The following INSL6 variants were observed in gnomAD, a reference collection of about 807,000 sequenced individuals.
INSL6 encodes the protein insulin-like peptide INSL6.
INSL6 carries 16 observed loss-of-function variants against 9.4 expected under a neutral mutation model. That is an observed-to-expected ratio of 1.70 (90% confidence interval 1.15 to 2.59). INSL6 has a LOEUF of 2.59. Ranked by LOEUF, INSL6 falls within the 30% of genes most tolerant of loss-of-function variation. The probability of loss-of-function intolerance (pLI) is 0.00; values close to 1 mark genes in which losing one functional copy is unlikely to be tolerated. For missense variants in INSL6, 391 were observed against 257.3 expected (o/e 1.52, Z -3.56); for synonymous variants, 154 against 96.9 (o/e 1.59, Z -3.46).
chr9:5,182,097 AG>A (rs1214786221), intron 1 of INSL6, among the ~76,000 whole-genome samples: 2 of 152,144 alleles, frequency 1.3e-5, no homozygotes, highest in Non-Finnish European at 2.9e-5. Flanking sequence ...TAGGTTCATA[AG>A]GGGACACATA....
the INSL6 span, among the ~76,000 whole-genome samples, chr9:5,009,652 T>C: frequency 1.3e-5 from 2 of 152,178 alleles, no homozygotes; most frequent in Admixed American, 6.6e-5. Flanking sequence ...CCCTGCCCCA[T>C]CCCCATCCTA....
chr9:5,162,894 G>A (rs1285182130), downstream of INSL6, among the ~76,000 whole-genome samples: 1 of 152,136 alleles, frequency 6.6e-6, no homozygotes, highest in East Asian at 1.9e-4. Flanking sequence ...TGGGTACGAA[G>A]TAGGAATTCC....
At chr9:5,061,104 G>C in the INSL6 span, among the ~76,000 whole-genome samples, 1 of 152,204 alleles carries the variant, frequency 6.6e-6, no homozygotes, top group Non-Finnish European at 1.5e-5. Flanking sequence ...ATAAACAATA[G>C]ATGTGCTGTC....
At chr9:5,041,657 G>A in the INSL6 span, 1 of 508,984 alleles carries the variant, frequency 2.0e-6, no homozygotes, top group South Asian at 1.5e-5. Flanking sequence ...ACGACTACCT[G>A]CGGAAGCTCT....
the INSL6 span, among the ~76,000 whole-genome samples, chr9:5,105,650 C>T: frequency 2.6e-5 from 4 of 152,162 alleles, no homozygotes; most frequent in Admixed American, 1.3e-4. Context: ...CATCACACTA[C>T]GTAACTTCAA....
Position 5,185,577 on chromosome 9 carries a change from A to C in INSL6, c.26T>G (p.Leu9Arg). Residue 9 changes from leucine to arginine, a missense_variant, in exon 1 of 2, where the codon CTG becomes CGG. Physicochemically the swap from Leu to Arg is moderately radical, Grantham distance 102. Coordinates refer to ENST00000381641, the MANE Select transcript of INSL6 (RefSeq NM_007179.3). ...AACCAGCAGGAGTCCAAGCCACAGC[A>C]GGGACAAGCGGAGGAGCCGCGGCAT... Reference protein sequence around the residue: MPRLLRLSLLWLGLLLVRF... With the variant: MPRLLRLSRLWLGLLLVRF... 2 of 1,613,754 alleles carry C rather than the reference A, an allele frequency of 1.2e-6. No individual in the cohort carries two copies. Among genetic ancestry groups the C allele is most frequent in the Non-Finnish European group, 1.7e-6 (2 of 1,179,968 alleles).
At chr9:5,069,870 C>G in the INSL6 span, 5 of 1,202,110 alleles carry the variant, frequency 4.2e-6, no homozygotes, top group Non-Finnish European at 5.8e-6. Flanking sequence ...CTCTTTGGAG[C>G]AATTCATACT....
chr9:5,040,425 C>T, the INSL6 span, among the ~76,000 whole-genome samples: 1 of 152,092 alleles, frequency 6.6e-6, no homozygotes, highest in African/African-American at 2.4e-5. Flanking sequence ...ACCAAAAGCT[C>T]AAGTGACAAA....
At chr9:5,018,958 C>T in the INSL6 span, among the ~76,000 whole-genome samples, 1 of 152,214 alleles carries the variant, frequency 6.6e-6, no homozygotes, top group South Asian at 2.1e-4. Context: ...TTGTCTTTGA[C>T]AAGCTGTTGT....
chr9:5,099,164 C>T, the INSL6 span: 1 of 152,224 alleles, frequency 6.6e-6, no homozygotes, highest in Non-Finnish European at 1.5e-5. Context: ...GGCCTCAAAA[C>T]AGATGCAATC....
chr9:5,068,357 A>G, the INSL6 span, among the ~76,000 whole-genome samples: 2 of 152,338 alleles, frequency 1.3e-5, no homozygotes, highest in South Asian at 4.1e-4. Flanking sequence ...ACTGCAAAAT[A>G]TTAAAAATGT....
the INSL6 span, chr9:5,112,819 T>G: frequency 5.4e-6 from 3 of 554,822 alleles, no homozygotes; most frequent in Non-Finnish European, 8.6e-6. Context: ...TGGGCTTGAG[T>G]GAAGCCCACA....
At chr9:5,096,163 A>G in the INSL6 span, among the ~76,000 whole-genome samples, 1 of 152,292 alleles carries the variant, frequency 6.6e-6, no homozygotes, top group South Asian at 2.1e-4. Flanking sequence ...TACGAAAATA[A>G]AATGACAATT....
the INSL6 span, among the ~76,000 whole-genome samples, chr9:5,096,445 T>G: frequency 1.3e-5 from 2 of 152,180 alleles, no homozygotes; most frequent in Non-Finnish European, 2.9e-5. Flanking sequence ...AAAAATTTAG[T>G]TAACAGCTAA....
rs761848417 is a variant in INSL6, at chr9:5,163,918, A to G, written c.637T>C (p.Tyr213His). 3 of 1,570,504 alleles carry G rather than the reference A, an allele frequency of 1.9e-6. No homozygotes were observed. Among genetic ancestry groups the G allele is most frequent in the Non-Finnish European group, 2.6e-6 (3 of 1,149,334 alleles). Residue 213 changes from tyrosine (Y) to histidine (H), a missense_variant, in exon 2 of 2, where the codon TAC (tyrosine) becomes CAC (histidine). Physicochemically the swap from Tyr to His is moderately conservative, Grantham distance 83 (BLOSUM62 2). Coordinates refer to ENST00000381641, the MANE Select transcript of INSL6 (RefSeq NM_007179.3). ...TAGAAAAAATTCTAAGATGGTTAGT[A>G]TATCTTAGTTACAAGTGATGATCTT... is the stretch of plus-strand genomic sequence containing the variant. ...EKRSSLVTKIY is the reference protein window; with the variant it reads ...EKRSSLVTKIH
In INSL6 at chr9:5,164,250, T is replaced by G; in HGVS notation, c.305A>C (p.Glu102Ala). 6.2e-7 allele frequency: 1 copy of G among 1,602,926 alleles called. No homozygotes were observed. Residue 102 changes from glutamate (E) to alanine (A), a missense_variant, in exon 2 of 2, where the codon GAA becomes GCA. Physicochemically the swap from Glu to Ala is moderately radical, Grantham distance 107. Transcript: ENST00000381641. Reference sequence around the variant, plus strand: ...CATTTCCCAACTGTTTACTGCTTCTTCCCAAGAAGTAGACACTGTTGAGAG... The same window carrying G: ...CATTTCCCAACTGTTTACTGCTTCTGCCCAAGAAGTAGACACTGTTGAGAG... ...RGTNPVSTSW[E>A]EAVNSWEMQS...
At chr9:5,116,757 A>G in the INSL6 span, among the ~76,000 whole-genome samples, 32 of 152,208 alleles carry the variant, frequency 2.1e-4, no homozygotes, top group African/African-American at 7.7e-4. Flanking sequence ...ACTAAAAGGA[A>G]AAGTTTGACG....
At position 5,185,430 on chromosome 9, in the gene INSL6, T is replaced by C. The variant is rs762395288; in HGVS notation, c.173A>G (p.Glu58Gly). 29 of 1,614,076 alleles carry C rather than the reference T, an allele frequency of 1.8e-5. No individual in the cohort carries two copies. In the East Asian group the frequency reaches 6.5e-4, roughly 36 times the overall value. Residue 58 changes from glutamate (E) to glycine (G), a missense_variant, in exon 1 of 2, where the codon GAA (glutamate) becomes GGA (glycine). By Grantham distance (98) the Glu-to-Gly change is moderately conservative. Coordinates refer to ENST00000381641, the MANE Select transcript of INSL6 (RefSeq NM_007179.3). ...ANWSQFRFEEETPFSRLIAQA... is the reference protein window; with the variant it reads ...ANWSQFRFEEGTPFSRLIAQA... ...TGCAATCAACCGTGAGAAAGGGGTTTCCTCCTCGAAACGGAACTGGCTCCA... is the reference window on the plus strand; with the variant it reads ...TGCAATCAACCGTGAGAAAGGGGTTCCCTCCTCGAAACGGAACTGGCTCCA...
chr9:5,054,675 T>A, the INSL6 span: 1 of 1,613,466 alleles, frequency 6.2e-7, no homozygotes, highest in Non-Finnish European at 8.5e-7. This position sits in a 1 kb window ranked among gnomAD's most constrained non-coding sequence, Gnocchi z 4.9. Flanking sequence ...ATTCAGCCAA[T>A]GCAAAGCCAC....
Sources: allele counts gnomAD v4.1 joint callset (sites outside exome capture counted in the v4.1 genomes callset), GRCh38; gene constraint gnomAD v4.1.1; non-coding constraint Gnocchi (gnomAD v3.1); transcripts MANE v1.5; gene names NCBI Gene and HGNC (gene_info 2026-07-23, HGNC 2026-07-21).